POLA1: variants seen among roughly 807,000 people sequenced by gnomAD.
The protein encoded by POLA1 is DNA polymerase alpha 1, catalytic subunit.
Under a neutral mutation model 124.0 loss-of-function variants are expected in POLA1, and 15 were observed. The observed-to-expected ratio is 0.12, with a 90% CI of 0.08 to 0.19. The LOEUF (loss-of-function observed/expected upper bound fraction) is 0.19, where lower values mean the gene tolerates loss of function less well. Ranked by LOEUF, POLA1 falls within the 10% of genes least tolerant of loss-of-function variation. POLA1 has a pLI of 1.00. For missense variants in POLA1, 886 were observed against 1,103.4 expected, an observed-to-expected ratio of 0.80 and a Z score of 2.79; for synonymous variants, 408 against 389.4, an observed-to-expected ratio of 1.05 and a Z score of -0.56.
At chrX:24,841,558 G>T in intron 32 of POLA1, 94 bp from the exon 33 acceptor site, 1 of 477,054 alleles carries the variant, frequency 2.1e-6, no homozygotes, top group Admixed American at 4.5e-5. Flanking sequence ...GTGTGTATGT[G>T]CATGAATTTA....
intron 34 of POLA1, among the ~76,000 whole-genome samples, chrX:24,855,094 A>G (rs2046625619): frequency 9.0e-6 from 1 of 111,451 alleles, no homozygotes; most frequent in Admixed American, 9.5e-5. Flanking sequence ...TGATAAAGAT[A>G]CTATGTACAT....
intron 2 of POLA1, among the ~76,000 whole-genome samples, chrX:24,701,910 T>C (rs1464759658): frequency 9.9e-6 from 1 of 101,215 alleles, no homozygotes; most frequent in Non-Finnish European, 2.0e-5. Context: ...CCCCCCACCA[T>C]GCCCAGCTAA....
chrX:24,993,544 T>G (rs1417612353), intron 36 of POLA1, among the ~76,000 whole-genome samples: 1 of 112,115 alleles, frequency 8.9e-6, no homozygotes, highest in Non-Finnish European at 1.9e-5. Flanking sequence ...TATTTTCCCT[T>G]GAGTTCTAAA....
chrX:24,848,565 AC>A (rs1485662474), intron 34 of POLA1, among the ~76,000 whole-genome samples: 5 of 111,787 alleles, frequency 4.5e-5, no homozygotes, highest in Non-Finnish European at 9.4e-5. Context: ...ATTAATAACA[AC>A]CCCCAAGCAT....
intron 32 of POLA1, among the ~76,000 whole-genome samples, chrX:24,829,366 G>A (rs930997968): frequency 9.0e-6 from 1 of 111,639 alleles, no homozygotes; most frequent in African/African-American, 3.3e-5. Flanking sequence ...TCGCGGATGT[G>A]TGAAGTTGTC....
chrX:24,912,621 G>A (rs1267383917), intron 35 of POLA1, among the ~76,000 whole-genome samples: 2 of 111,352 alleles, frequency 1.8e-5, no homozygotes, highest in Non-Finnish European at 3.8e-5. Context: ...AACATCACTA[G>A]CATCAGGGAG....
intron 36 of POLA1, among the ~76,000 whole-genome samples, chrX:24,949,692 T>C (rs1347599677): frequency 9.1e-6 from 1 of 109,467 alleles, no homozygotes; most frequent in Non-Finnish European, 1.9e-5. Context: ...AACCTGTTTA[T>C]GGCACTGTAT....
At chrX:24,743,454 A>G in intron 23 of POLA1, 125 bp downstream of exon 23, 2 of 355,471 alleles carry the variant, frequency 5.6e-6, no homozygotes, top group East Asian at 4.5e-5. Context: ...CATGACTTTT[A>G]TCTTTCGTTC....
At chrX:24,868,057 G>A (rs748169554) in intron 34 of POLA1, among the ~76,000 whole-genome samples, 8 of 111,306 alleles carry the variant, frequency 7.2e-5, no homozygotes, top group Non-Finnish European at 1.3e-4. Flanking sequence ...TGTGTAGTTC[G>A]TATTTTGTGC....
At chrX:24,758,095 A>C (rs904538372) in intron 26 of POLA1, among the ~76,000 whole-genome samples, 3 of 111,563 alleles carry the variant, frequency 2.7e-5, no homozygotes, top group African/African-American at 9.8e-5. Context: ...GAAACACCCC[A>C]TGGAAGCCCA....
Position 24,933,525 on chromosome X carries a change from G to A in POLA1, c.4261+2976G>A, listed in dbSNP as rs1332099485. Among the ~76,000 whole-genome samples, 6 of 111,789 alleles carry A rather than the reference G, an allele frequency of 5.4e-5. No homozygotes were observed. The Admixed American group carries it at 5.7e-4, about 11-fold the overall frequency. ...ACACAGTTATATTATTGAGAATGGAGTCTAAGTGTCTTCTGTCAACAAGTG... is the reference window on the plus strand; with the variant it reads ...ACACAGTTATATTATTGAGAATGGAATCTAAGTGTCTTCTGTCAACAAGTG... On this transcript the variant is annotated intron_variant, in intron 36 of 36. Coordinates refer to ENST00000379068, the MANE Select transcript of POLA1 (RefSeq NM_001330360.2).
intron 2 of POLA1, among the ~76,000 whole-genome samples, chrX:24,701,784 C>T (rs1451252552): frequency 2.1e-4 from 21 of 102,393 alleles, no homozygotes; most frequent in East Asian, 1.2e-3. Context: ...TTTTTAATCT[C>T]GCTCTCTCTC....
At chrX:24,773,042 G>A (rs935392857) in intron 26 of POLA1, among the ~76,000 whole-genome samples, 24 of 111,842 alleles carry the variant, frequency 2.1e-4, no homozygotes, top group African/African-American at 6.2e-4. Flanking sequence ...ATAAAACATC[G>A]CCACAGTTAG....
intron 1 of POLA1, among the ~76,000 whole-genome samples, chrX:24,698,939 C>T (rs1231626227): frequency 8.9e-6 from 1 of 112,246 alleles, no homozygotes; most frequent in Admixed American, 9.5e-5. Context: ...AGGTGTGAGC[C>T]ACCACGCCCA....
chrX:24,845,532 CT>C (rs2046464923), intron 34 of POLA1, among the ~76,000 whole-genome samples: 1 of 112,042 alleles, frequency 8.9e-6, no homozygotes, highest in Non-Finnish European at 1.9e-5. Context: ...CAAAAAGCCC[CT>C]GTACCTTTAG....
At chrX:24,695,510 C>T (rs1413466946) in intron 1 of POLA1, among the ~76,000 whole-genome samples, 1 of 110,984 alleles carries the variant, frequency 9.0e-6, no homozygotes. Context: ...GACAAAGCTT[C>T]CCTCTTGTTG....
At chrX:24,762,940 G>A (rs1206321549) in intron 26 of POLA1, among the ~76,000 whole-genome samples, 2 of 111,024 alleles carry the variant, frequency 1.8e-5, no homozygotes, top group African/African-American at 6.6e-5. Context: ...GTTTCACCAT[G>A]TTGGCCAGGC....
chrX:24,734,606 T>G (rs1931149346), intron 17 of POLA1, among the ~76,000 whole-genome samples: 1 of 111,033 alleles, frequency 9.0e-6, no homozygotes, highest in Non-Finnish European at 1.9e-5. Flanking sequence ...CTAGGAAAAT[T>G]CCATTAGAGT....
At chrX:24,815,197 C>G in intron 30 of POLA1, 86 bp downstream of exon 30, 1 of 861,591 alleles carries the variant, frequency 1.2e-6, no homozygotes, top group Non-Finnish European at 1.6e-6. Flanking sequence ...CTCATCCTTG[C>G]AATTGAAATA....
Sources: allele counts gnomAD v4.1 joint callset (sites outside exome capture counted in the v4.1 genomes callset), GRCh38; gene constraint gnomAD v4.1.1; transcripts MANE v1.5; gene names NCBI Gene and HGNC (gene_info 2026-07-23, HGNC 2026-07-21).